PXDNL: variants seen among roughly 807,000 people sequenced by gnomAD.
PXDNL encodes the protein peroxidasin like.
Under a neutral mutation model 150.8 loss-of-function variants are expected in PXDNL, and 145 were observed. The ratio of observed to expected loss-of-function variants is 0.96; its 90% confidence interval spans 0.84 to 1.10. PXDNL has a LOEUF of 1.10. Among genes scored for constraint, PXDNL ranks in the 50% least tolerant of loss-of-function variants. The pLI is 0.00. For missense variants in PXDNL, 2,087 were observed against 1,873.9 expected, an observed-to-expected ratio of 1.11 and a Z score of -2.10; for synonymous variants, 757 against 725.7, an observed-to-expected ratio of 1.04 and a Z score of -0.69.
At chr8:51,413,349 A>G in intron 14 of PXDNL, 91 bp from the exon 15 acceptor site, 2 of 716,982 alleles carry the variant, frequency 2.8e-6, no homozygotes, top group South Asian at 3.3e-5. Flanking sequence ...TTTAAATGTA[A>G]TGCCATTACA....
In PXDNL at chr8:51,809,182, G is replaced by C. The variant is rs767294627; in HGVS notation, c.163C>G (p.Leu55Val). 1.5e-5 allele frequency: 25 copies of C among 1,613,760 alleles called. No individual in the cohort carries two copies. The South Asian group carries it at 2.5e-4, about 16-fold the overall frequency. The change falls in exon 1 of 23, where the codon CTA (leucine) becomes GTA (valine). Residue 55 changes from leucine to valine, a missense_variant and splice_region_variant. Leu to Val is a conservative substitution (Grantham distance 32). Transcript: ENST00000356297. Reference sequence around the variant, plus strand: ...TCTGGGGAATTTATGTGAACTTACAGAACTGTGGTCTGCTGTGGTACCTGA... The same window carrying C: ...TCTGGGGAATTTATGTGAACTTACACAACTGTGGTCTGCTGTGGTACCTGA... ...IPQVPQQTTV[L>V]DLRFNRIREI...
At chr8:51,434,872 G>A (rs537024915) in intron 12 of PXDNL, among the ~76,000 whole-genome samples, 39 of 152,290 alleles carry the variant, frequency 2.6e-4, no homozygotes, top group African/African-American at 8.4e-4. Context: ...TTACAGAGAT[G>A]AGGTAGTAAA....
rs1484563094 is a variant in PXDNL at position 51,643,762 on chromosome 8, C to T, written c.236+10927G>A. On this transcript the variant is annotated intron_variant, in intron 2 of 22. Coordinates refer to ENST00000356297, the MANE Select transcript of PXDNL (RefSeq NM_144651.5). ...ACCGTCAGAGTGAACAGGCAACCTA[C>T]AGAATGGGAGAAAATTTTTGCAATC... Among the ~76,000 whole-genome samples the T allele has an allele frequency of 2.0e-5, 3 of 152,114 alleles. No individual in the cohort carries two copies. In the East Asian group the frequency reaches 5.8e-4, roughly 29 times the overall value.
chr8:51,522,863 A>AAAAC (rs1292404106), intron 4 of PXDNL, among the ~76,000 whole-genome samples: 2 of 151,098 alleles, frequency 1.3e-5, no homozygotes, highest in Middle Eastern at 3.2e-3. Flanking sequence ...ACAAAAACAA[A>AAAAC]AAACAAACAA....
intron 17 of PXDNL, among the ~76,000 whole-genome samples, chr8:51,394,178 A>C (rs540650592): frequency 2.0e-5 from 3 of 152,336 alleles, no homozygotes; most frequent in Admixed American, 2.0e-4. Flanking sequence ...TTGGAGCATG[A>C]ATAATTATTT....
chr8:51,505,751 A>G (rs1811271663), intron 4 of PXDNL, among the ~76,000 whole-genome samples: 1 of 152,246 alleles, frequency 6.6e-6, no homozygotes, highest in Admixed American at 6.5e-5. Context: ...CAATCCTAGC[A>G]CATGAAACAG....
At chr8:51,541,253 T>TAAAA (rs5891421) in intron 4 of PXDNL, among the ~76,000 whole-genome samples, 4 of 127,226 alleles carry the variant, frequency 3.1e-5, no homozygotes, top group Non-Finnish European at 5.0e-5. Flanking sequence ...TGAGACTCCA[T>TAAAA]AAAAAAAAAA....
chr8:51,550,508 G>A (rs1812456269), intron 4 of PXDNL, among the ~76,000 whole-genome samples: 1 of 152,142 alleles, frequency 6.6e-6, no homozygotes, highest in African/African-American at 2.4e-5. Flanking sequence ...TTCATACCAT[G>A]GATGTAGGGT....
intron 4 of PXDNL, among the ~76,000 whole-genome samples, chr8:51,515,742 TAAC>T (rs1432301935): frequency 6.6e-6 from 1 of 152,202 alleles, no homozygotes; most frequent in Non-Finnish European, 1.5e-5. Context: ...CAAGTGGAAA[TAAC>T]AATCTTTTGG....
chr8:51,495,173 A>C (rs1218265631), intron 5 of PXDNL, among the ~76,000 whole-genome samples: 1 of 152,020 alleles, frequency 6.6e-6, no homozygotes, highest in African/African-American at 2.4e-5. Context: ...CCTGCTCCTG[A>C]ATGACTACTG....
At chr8:51,507,610 T>C (rs1368926943) in intron 4 of PXDNL, among the ~76,000 whole-genome samples, 1 of 152,252 alleles carries the variant, frequency 6.6e-6, no homozygotes, top group Non-Finnish European at 1.5e-5. Context: ...CCAGCAGCTA[T>C]GCAAACAAAG....
intron 4 of PXDNL, among the ~76,000 whole-genome samples, chr8:51,534,977 G>GC (rs1382761603): frequency 9.8e-5 from 11 of 112,036 alleles, no homozygotes; most frequent in Non-Finnish European, 1.9e-4. Context: ...GGGGGGGTCA[G>GC]CCCCCCGCCC....
chr8:51,408,534 C>T lies in PXDNL; in HGVS notation c.3090G>A (p.Leu1030=). Residue 1030 remains leucine, a synonymous_variant, in exon 17 of 23, where the codon CTG becomes CTA. Transcript: ENST00000356297. ...TGGGGTTGTAGCCTCGGTAACCCCT[C>T]AGCATCCTAGTGCCAGGGTCCCCCA... ...KVLGDPGTRM[L]RGYRGYNPNV... The T allele has an allele frequency of 6.2e-7, 1 of 1,613,172 alleles. No individual in the cohort carries two copies. The highest frequency in any genetic ancestry group is 1.1e-5 in the South Asian group (1 of 90,904).
intron 1 of PXDNL, among the ~76,000 whole-genome samples, chr8:51,791,573 G>A (rs1038101110): frequency 1.3e-5 from 2 of 152,202 alleles, no homozygotes; most frequent in East Asian, 1.9e-4. Context: ...ATTCCATCTC[G>A]TTGGTCAAAT....
At chr8:51,420,896 G>T (rs1183112135) in intron 14 of PXDNL, among the ~76,000 whole-genome samples, 2 of 152,134 alleles carry the variant, frequency 1.3e-5, no homozygotes, top group Non-Finnish European at 2.9e-5. Context: ...CACTATGTTG[G>T]CCAGGCTGGT....
intron 13 of PXDNL, among the ~76,000 whole-genome samples, chr8:51,424,665 G>C (rs1809045400): frequency 1.3e-5 from 2 of 152,088 alleles, no homozygotes; most frequent in South Asian, 4.1e-4. Context: ...ATTTTAAAAA[G>C]TAAAAGGAAA....
At chr8:51,661,236 G>A (rs1008541315) in intron 1 of PXDNL, among the ~76,000 whole-genome samples, 2 of 152,092 alleles carry the variant, frequency 1.3e-5, no homozygotes, top group Non-Finnish European at 2.9e-5. Context: ...AATCTCCAGT[G>A]CACTTCCTGC....
chr8:51,730,707 G>T (rs561309852), intron 1 of PXDNL, among the ~76,000 whole-genome samples: 25 of 152,198 alleles, frequency 1.6e-4, no homozygotes, highest in Non-Finnish European at 3.4e-4. Flanking sequence ...CTGGGTAATT[G>T]TTAAAGGAAA....
At chr8:51,438,135 A>G (rs1442696739) in intron 12 of PXDNL, among the ~76,000 whole-genome samples, 1 of 152,182 alleles carries the variant, frequency 6.6e-6, no homozygotes, top group Non-Finnish European at 1.5e-5. Context: ...TATAATGAAA[A>G]CTTCAAAACA....
Sources: gnomAD v4.1 joint callset for allele counts (sites outside exome capture counted in the v4.1 genomes callset) on GRCh38, gnomAD v4.1.1 for gene constraint, MANE v1.5 for transcripts, NCBI Gene and HGNC (gene_info 2026-07-23, HGNC 2026-07-21) for gene names.